Variants in ZSCAN5A observed in about 807,000 individuals in gnomAD.
ZSCAN5A encodes the protein zinc finger and SCAN domain containing 5A, also known as zinc finger and SCAN domain-containing protein 5A.
ZSCAN5A carries 12 observed loss-of-function variants against 23.7 expected under a neutral mutation model. That is an observed-to-expected ratio of 0.51 (90% CI 0.32 to 0.82). The LOEUF is 0.82. Among genes scored for constraint, ZSCAN5A ranks in the 40% least tolerant of loss-of-function variants. ZSCAN5A has a pLI of 0.03. For synonymous variants in ZSCAN5A, 257 were observed against 239.9 expected (o/e 1.07, Z -0.66); for missense variants, 597 against 617.9 (o/e 0.97, Z 0.36).
At chr19:56,320,453 G>A (rs2041362745) in intron 2 of ZSCAN5A, among the ~76,000 whole-genome samples, 1 of 151,974 alleles carries the variant, frequency 6.6e-6, no homozygotes. Context: ...AGCCAGGGTG[G>A]AGACCCAATC....
chr19:56,326,569 A>G (rs912850037), intron 2 of ZSCAN5A, among the ~76,000 whole-genome samples: 5 of 152,178 alleles, frequency 3.3e-5, no homozygotes, highest in African/African-American at 1.2e-4. Flanking sequence ...ATAAATGGGA[A>G]TCACGCAGTA....
intron 2 of ZSCAN5A, among the ~76,000 whole-genome samples, chr19:56,250,986 T>C (rs2036294788): frequency 6.6e-6 from 1 of 151,982 alleles, no homozygotes; most frequent in Non-Finnish European, 1.5e-5. Context: ...CTGTCTCTAC[T>C]AAAAATACAA....
chr19:56,241,675 T>C (rs1157355051), intron 2 of ZSCAN5A, among the ~76,000 whole-genome samples: 1 of 152,184 alleles, frequency 6.6e-6, no homozygotes, highest in Non-Finnish European at 1.5e-5. Flanking sequence ...GGACAACGGC[T>C]CTCTTGAATT....
At chr19:56,319,498 G>GAAAAAAA (rs57164685), upstream of ZSCAN5A, among the ~76,000 whole-genome samples, 507 of 78,376 alleles carry the variant, frequency 6.5e-3, 18 homozygotes, top group African/African-American at 0.015. Context: ...TCCATCTCGG[G>GAAAAAAA]AAAAAAAAAA....
chr19:56,246,784 GA>G, intron 2 of ZSCAN5A: 2 of 1,606,686 alleles, frequency 1.2e-6, no homozygotes. Flanking sequence ...AGCCTCTGTC[GA>G]AAATGTGGAT....
rs1255356312 is a variant in ZSCAN5A, at chr19:56,225,178, G to A, written c.-127-5C>T. 1 of 1,375,740 alleles carries A rather than the reference G, an allele frequency of 7.3e-7. No individual in the cohort carries two copies. Among genetic ancestry groups the A allele is most frequent in the African/African-American group, 1.9e-5 (1 of 51,968 alleles). The allele number at this position is 1,375,740 out of a possible 1,614,324, so 85.2% of individuals were successfully genotyped here. ...ATTCACTGTTCATTCAGAAGTCTGG[G>A]GGGGAAAAGTATGAGCCTCATTAGT... On this transcript the variant is annotated splice_region_variant and splice_polypyrimidine_tract_variant and intron_variant, in intron 2 of 5. Transcript: ENST00000683990.
intron 2 of ZSCAN5A, among the ~76,000 whole-genome samples, chr19:56,311,565 T>C (rs2041037134): frequency 6.6e-6 from 1 of 152,214 alleles, no homozygotes; most frequent in South Asian, 2.1e-4. Context: ...GTATATTTCA[T>C]AGACGGATGG....
chr19:56,271,098 C>T (rs2037815930), intron 2 of ZSCAN5A, among the ~76,000 whole-genome samples: 1 of 152,206 alleles, frequency 6.6e-6, no homozygotes, highest in Admixed American at 6.5e-5. Flanking sequence ...AGCAAAGAAA[C>T]AGCTGTGCTG....
intron 2 of ZSCAN5A, among the ~76,000 whole-genome samples, chr19:56,344,909 C>CAAA (rs1019131536): frequency 0.024 from 453 of 19,026 alleles, 31 homozygotes; most frequent in African/African-American, 0.074. Context: ...GACTCCGTCT[C>CAAA]AAAAAAAAAA....
chr19:56,303,023 G>A (rs1348283211), intron 2 of ZSCAN5A: 7 of 396,334 alleles, frequency 1.8e-5, no homozygotes, highest in Non-Finnish European at 3.1e-5. Flanking sequence ...CTCAGCCTAG[G>A]GGAAGTGTGG....
At chr19:56,315,596 G>A (rs937368591), upstream of ZSCAN5A, 3 of 152,252 alleles carry the variant, frequency 2.0e-5, no homozygotes, top group African/African-American at 4.8e-5. Flanking sequence ...TCTCAGCCAA[G>A]CTCTGTCTTT....
intron 2 of ZSCAN5A, among the ~76,000 whole-genome samples, chr19:56,260,513 CT>C (rs113192105): frequency 6.6e-6 from 1 of 151,580 alleles, no homozygotes; most frequent in Non-Finnish European, 1.5e-5. Context: ...CGCGCCTGGG[CT>C]TTTTTTTACA....
chr19:56,243,268 T>G (rs966283524), intron 2 of ZSCAN5A, among the ~76,000 whole-genome samples: 1 of 152,190 alleles, frequency 6.6e-6, no homozygotes, highest in Non-Finnish European at 1.5e-5. Context: ...TTTGGGCTGA[T>G]GAGACAATTC....
chr19:56,226,274 C>A (rs985450962), intron 2 of ZSCAN5A, among the ~76,000 whole-genome samples: 4 of 152,208 alleles, frequency 2.6e-5, no homozygotes, highest in African/African-American at 9.6e-5. Flanking sequence ...GGGAGACAAT[C>A]GGCAGAGGCG....
intron 2 of ZSCAN5A, among the ~76,000 whole-genome samples, chr19:56,311,675 A>C (rs527296764): frequency 3.3e-4 from 50 of 152,302 alleles, no homozygotes; most frequent in African/African-American, 1.1e-3. Context: ...TAATATATAT[A>C]TATTTTTAAG....
intron 2 of ZSCAN5A, among the ~76,000 whole-genome samples, chr19:56,323,945 C>G (rs964792248): frequency 1.3e-5 from 2 of 152,112 alleles, no homozygotes; most frequent in African/African-American, 4.8e-5. Flanking sequence ...AATTGGGACT[C>G]CATCACCCCA....
intron 2 of ZSCAN5A, among the ~76,000 whole-genome samples, chr19:56,271,687 C>G (rs1177842982): frequency 6.6e-6 from 1 of 152,160 alleles, no homozygotes; most frequent in Non-Finnish European, 1.5e-5. Flanking sequence ...AGGAGAGAGT[C>G]CCCTGCAAGA....
At chr19:56,273,688 C>T (rs1238775336) in intron 2 of ZSCAN5A, among the ~76,000 whole-genome samples, 1 of 151,990 alleles carries the variant, frequency 6.6e-6, no homozygotes, top group South Asian at 2.1e-4. Context: ...GTGTCAGGAA[C>T]GTGGTAGGCA....
chr19:56,231,595 G>T (rs1241443812), intron 2 of ZSCAN5A, among the ~76,000 whole-genome samples: 1 of 152,188 alleles, frequency 6.6e-6, no homozygotes, highest in South Asian at 2.1e-4. Flanking sequence ...GATTTGTGGG[G>T]TTATCCTTGA....
Sources: gnomAD v4.1 joint callset for allele counts (sites outside exome capture counted in the v4.1 genomes callset) on GRCh38, gnomAD v4.1.1 for gene constraint, MANE v1.5 for transcripts, NCBI Gene and HGNC (gene_info 2026-07-23, HGNC 2026-07-21) for gene names.